SLC25A21: variants seen among roughly 807,000 people sequenced by gnomAD.
SLC25A21 encodes mitochondrial 2-oxodicarboxylate carrier.
In SLC25A21, 47 loss-of-function variants were observed where a neutral mutation model predicts 43.8. The observed-to-expected ratio is 1.07, with a 90% CI of 0.85 to 1.37. SLC25A21 has a LOEUF of 1.37. Ranked by LOEUF, SLC25A21 falls within the 40% of genes most tolerant of loss-of-function variation. The pLI is 0.00. For missense variants in SLC25A21, 352 were observed against 350.2 expected, an observed-to-expected ratio of 1.00 and a Z score of -0.04; for synonymous variants, 131 against 121.3, an observed-to-expected ratio of 1.08 and a Z score of -0.52.
intron 7 of SLC25A21, among the ~76,000 whole-genome samples, chr14:36,699,505 G>A (rs1883185305): frequency 6.6e-6 from 1 of 152,368 alleles, no homozygotes; most frequent in East Asian, 1.9e-4. Context: ...GGACATTTAA[G>A]TCTGCAGAAG....
chr14:37,142,883 C>T (rs1456631588), intron 1 of SLC25A21, among the ~76,000 whole-genome samples: 3 of 152,166 alleles, frequency 2.0e-5, no homozygotes, highest in Non-Finnish European at 2.9e-5. Context: ...TTGTCAAGGA[C>T]ACAGGAAGGA....
chr14:36,762,515 C>A (rs1005073876), intron 3 of SLC25A21, among the ~76,000 whole-genome samples: 1 of 152,166 alleles, frequency 6.6e-6, no homozygotes, highest in African/African-American at 2.4e-5. Context: ...TGTGTGACAG[C>A]ACAATCATGG....
chr14:37,009,633 G>A (rs1262838654), intron 1 of SLC25A21, among the ~76,000 whole-genome samples: 2 of 152,184 alleles, frequency 1.3e-5, no homozygotes, highest in African/African-American at 2.4e-5. Context: ...GAAGTAGTGC[G>A]TAGTGTTTAA....
At chr14:37,072,204 G>A (rs1962188120) in intron 1 of SLC25A21, among the ~76,000 whole-genome samples, 2 of 148,940 alleles carry the variant, frequency 1.3e-5, no homozygotes, top group Non-Finnish European at 3.0e-5. Flanking sequence ...AAAAAAAGTG[G>A]AGGAAATACA....
intron 7 of SLC25A21, among the ~76,000 whole-genome samples, chr14:36,691,142 T>C (rs1882778763): frequency 6.6e-6 from 1 of 152,168 alleles, no homozygotes; most frequent in Non-Finnish European, 1.5e-5. Flanking sequence ...TATTTAGAAG[T>C]GAAGAAGCCA....
chr14:36,857,042 A>G (rs900001186), intron 2 of SLC25A21, among the ~76,000 whole-genome samples: 1 of 152,172 alleles, frequency 6.6e-6, no homozygotes, highest in Non-Finnish European at 1.5e-5. Context: ...GCCTTTTCAC[A>G]TTTACCACTG....
chr14:36,977,490 A>G (rs1959904817), intron 1 of SLC25A21, among the ~76,000 whole-genome samples: 1 of 152,178 alleles, frequency 6.6e-6, no homozygotes. Context: ...ATGAAACACT[A>G]ATGCTGGTGG....
At chr14:37,028,304 G>C (rs1961136767) in intron 1 of SLC25A21, among the ~76,000 whole-genome samples, 1 of 152,048 alleles carries the variant, frequency 6.6e-6, no homozygotes, top group Non-Finnish European at 1.5e-5. Context: ...TGGGGAAGAG[G>C]TTTCTGTATC....
In SLC25A21 at chr14:36,679,935, G is replaced by C; in HGVS notation, c.*723C>G. 1.1e-6 allele frequency: 1 copy of C among 907,306 alleles called. No individual in the cohort carries two copies. Among genetic ancestry groups the C allele is most frequent in the Non-Finnish European group, 1.3e-6 (1 of 763,396 alleles). The allele number at this position is 907,306 out of a possible 1,614,324, so 56.2% of individuals were successfully genotyped here. A position where few individuals can be genotyped will look rare whatever the true frequency, so the allele number is the denominator to read the frequency against. On this transcript the variant is annotated 3_prime_UTR_variant, in exon 10 of 10. Coordinates refer to ENST00000331299, the MANE Select transcript of SLC25A21 (RefSeq NM_030631.4). The stretch of plus-strand genomic sequence containing the variant: ...TGTTAGAAGAGATTTGGAATACCTT[G>C]ATTTAAACATGCTTAAACAACAGTG...
At chr14:37,133,520 C>T (rs1445786515) in intron 1 of SLC25A21, among the ~76,000 whole-genome samples, 2 of 152,160 alleles carry the variant, frequency 1.3e-5, no homozygotes, top group Non-Finnish European at 2.9e-5. Context: ...ATAACTGCAA[C>T]AACCTTCCGA....
At chr14:36,701,829 C>T (rs1883291638) in intron 7 of SLC25A21, among the ~76,000 whole-genome samples, 1 of 152,196 alleles carries the variant, frequency 6.6e-6, no homozygotes, top group African/African-American at 2.4e-5. Context: ...TCTCTCTGTT[C>T]CTTGACTCAA....
At position 36,680,198 on chromosome 14, in the gene SLC25A21, T is replaced by TTCA. The variant is rs1284735266; in HGVS notation, c.*457_*459dup. 3 of 847,156 alleles carry TTCA rather than the reference T, an allele frequency of 3.5e-6. No homozygotes were observed. In the East Asian group the frequency reaches 3.7e-4, roughly 105 times the overall value. The allele number at this position is 847,156 out of a possible 1,614,324, so 52.5% of individuals were successfully genotyped here. On this transcript the variant is annotated 3_prime_UTR_variant, in exon 10 of 10. Coordinates refer to ENST00000331299, the MANE Select transcript of SLC25A21 (RefSeq NM_030631.4). ...AAATATTATTTATGGAATAATTTAA[T>TTCA]TCATTATAAAAACTGCTTAAATTTT... is the stretch of plus-strand genomic sequence containing the variant.
intron 3 of SLC25A21, among the ~76,000 whole-genome samples, chr14:36,773,864 T>G (rs974642345): frequency 1.3e-5 from 2 of 152,212 alleles, no homozygotes; most frequent in Non-Finnish European, 2.9e-5. Flanking sequence ...CATCCATTCA[T>G]AATGGTAGGG....
chr14:37,102,726 C>T (rs1354298894), intron 1 of SLC25A21, among the ~76,000 whole-genome samples: 5 of 151,722 alleles, frequency 3.3e-5, no homozygotes, highest in Admixed American at 2.0e-4. Context: ...TGGCTCATAC[C>T]TGTAATCGCA....
intron 3 of SLC25A21, among the ~76,000 whole-genome samples, chr14:36,760,400 C>CAGAG: frequency 7.0e-6 from 1 of 141,970 alleles, no homozygotes; most frequent in Admixed American, 6.8e-5. Context: ...AGGCAGGCCT[C>CAGAG]ATGAAGAAAA....
chr14:36,927,678 C>T (rs1892167904), intron 1 of SLC25A21, among the ~76,000 whole-genome samples: 1 of 152,066 alleles, frequency 6.6e-6, no homozygotes, highest in Admixed American at 6.6e-5. Context: ...AGAGTCAATC[C>T]AGTATGTGGT....
At chr14:36,933,037 G>A (rs1034861440) in intron 1 of SLC25A21, among the ~76,000 whole-genome samples, 2 of 152,120 alleles carry the variant, frequency 1.3e-5, no homozygotes, top group African/African-American at 4.8e-5. Flanking sequence ...AAAGTCAAAA[G>A]CCTACTGTAG....
chr14:36,768,366 G>A (rs1886491233), intron 3 of SLC25A21, among the ~76,000 whole-genome samples: 1 of 152,084 alleles, frequency 6.6e-6, no homozygotes, highest in Non-Finnish European at 1.5e-5. Context: ...GAGAAAACCA[G>A]AATTGGTAAG....
intron 1 of SLC25A21, among the ~76,000 whole-genome samples, chr14:36,901,959 G>T (rs2138598730): frequency 6.6e-6 from 1 of 152,196 alleles, no homozygotes; most frequent in Admixed American, 6.5e-5. Context: ...GAACTCCAAG[G>T]TCATCCATTT....
Sources: allele counts gnomAD v4.1 joint callset (sites outside exome capture counted in the v4.1 genomes callset), GRCh38; gene constraint gnomAD v4.1.1; transcripts MANE v1.5; gene names NCBI Gene and HGNC (gene_info 2026-07-23, HGNC 2026-07-21).